The following CCSER1 variants were observed in gnomAD, a reference collection of about 807,000 sequenced individuals.
The protein encoded by CCSER1 is serine-rich coiled-coil domain-containing protein 1.
A neutral mutation model predicts 82.0 loss-of-function variants in CCSER1; 41 were observed. The ratio of observed to expected loss-of-function variants is 0.50; its 90% CI spans 0.39 to 0.65. CCSER1 has a LOEUF of 0.65. Among genes scored for constraint, CCSER1 ranks in the 30% least tolerant of loss-of-function variants. The pLI is 0.00. For missense variants in CCSER1, 1,119 were observed against 1,064.2 expected (o/e 1.05, Z -0.72); for synonymous variants, 414 against 383.9 (o/e 1.08, Z -0.92).
At chr4:91,207,263 T>A (rs1433477737) in intron 10 of CCSER1, among the ~76,000 whole-genome samples, 2 of 151,834 alleles carry the variant, frequency 1.3e-5, no homozygotes, top group Non-Finnish European at 2.9e-5. Context: ...GTTTGTAAAC[T>A]TGTGACTCGT....
intron 10 of CCSER1, among the ~76,000 whole-genome samples, chr4:91,402,767 T>A (rs551312053): frequency 3.3e-5 from 5 of 152,336 alleles, no homozygotes; most frequent in African/African-American, 1.2e-4. Flanking sequence ...TCTGTTTTGA[T>A]ACCAGTGCCA....
chr4:90,910,560 A>C (rs1239196193), intron 8 of CCSER1, among the ~76,000 whole-genome samples: 1 of 152,190 alleles, frequency 6.6e-6, no homozygotes. Flanking sequence ...TTAATTTTGT[A>C]AGCCCTATTA....
chr4:91,337,293 T>C (rs941814894), intron 10 of CCSER1, among the ~76,000 whole-genome samples: 1 of 152,104 alleles, frequency 6.6e-6, no homozygotes, highest in African/African-American at 2.4e-5. Context: ...TTTTCTAATA[T>C]ACCATATACA....
intron 10 of CCSER1, among the ~76,000 whole-genome samples, chr4:91,460,896 A>C (rs1756464616): frequency 6.6e-6 from 1 of 152,190 alleles, no homozygotes; most frequent in South Asian, 2.1e-4. Context: ...TGGAAAGAAA[A>C]GGAAAATTTA....
chr4:91,459,773 C>T (rs12646638), intron 10 of CCSER1, among the ~76,000 whole-genome samples: 17,637 of 152,130 alleles, frequency 0.12, 1,104 homozygotes, highest in African/African-American at 0.14. Flanking sequence ...TCAAGGACTA[C>T]TCTTTCCTCC....
chr4:90,706,414 C>G (rs1253170524), intron 6 of CCSER1, among the ~76,000 whole-genome samples: 1 of 151,886 alleles, frequency 6.6e-6, no homozygotes, highest in Non-Finnish European at 1.5e-5. Context: ...CTGCTGCACT[C>G]CAGCCTAGGT....
chr4:91,321,052 T>C (rs571188080), intron 10 of CCSER1, among the ~76,000 whole-genome samples: 1 of 152,216 alleles, frequency 6.6e-6, no homozygotes, highest in South Asian at 2.1e-4. Flanking sequence ...TTACTTTCAG[T>C]TGTAACTTCT....
At chr4:91,261,999 C>T (rs989677369) in intron 10 of CCSER1, among the ~76,000 whole-genome samples, 18 of 151,852 alleles carry the variant, frequency 1.2e-4, no homozygotes, top group Admixed American at 3.9e-4. Flanking sequence ...AAATTTTTAA[C>T]CTCTTTCATA....
chr4:90,237,242 T>C (rs1202594342), intron 1 of CCSER1, among the ~76,000 whole-genome samples: 2 of 152,190 alleles, frequency 1.3e-5, no homozygotes, highest in African/African-American at 4.8e-5. Flanking sequence ...AGAGTAAGAA[T>C]TTCGAAATTT....
intron 1 of CCSER1, among the ~76,000 whole-genome samples, chr4:90,260,500 A>G (rs1220136806): frequency 6.6e-6 from 1 of 151,790 alleles, no homozygotes; most frequent in Non-Finnish European, 1.5e-5. Context: ...TTTTATGATG[A>G]TATAATATTG....
At chr4:90,145,020 A>G (rs1384909074) in intron 1 of CCSER1, among the ~76,000 whole-genome samples, 2 of 152,122 alleles carry the variant, frequency 1.3e-5, no homozygotes, top group African/African-American at 2.4e-5. Context: ...CTGGCTACCT[A>G]TAGTTTAATT....
In CCSER1 at chr4:91,604,018, G is replaced by C. The variant is rs968953399; in HGVS notation, c.*4961G>C. ...GCTTCAACATATGAATTTGGGGGGGGATATAAAAATTTAGTTTATAGCACT... is the reference window on the plus strand; with the variant it reads ...GCTTCAACATATGAATTTGGGGGGGCATATAAAAATTTAGTTTATAGCACT... On this transcript the variant is annotated 3_prime_UTR_variant, in exon 11 of 11. Coordinates refer to ENST00000509176, the MANE Select transcript of CCSER1 (RefSeq NM_001145065.2). The C allele has an allele frequency of 6.6e-6, 1 of 151,926 alleles. No individual in the cohort carries two copies. 9.4% of individuals were successfully genotyped at this position (151,926 alleles called of 1,614,324 possible). A position where few individuals can be genotyped will look rare whatever the true frequency, so the allele number is the denominator to read the frequency against.
intron 8 of CCSER1, among the ~76,000 whole-genome samples, chr4:90,831,359 A>G (rs1391719009): frequency 1.3e-5 from 2 of 152,140 alleles, no homozygotes; most frequent in Non-Finnish European, 2.9e-5. Flanking sequence ...TGCATAGCCT[A>G]TCTTGTTATA....
At chr4:90,809,356 C>A (rs1200997788) in intron 7 of CCSER1, among the ~76,000 whole-genome samples, 1 of 151,814 alleles carries the variant, frequency 6.6e-6, no homozygotes, top group African/African-American at 2.4e-5. Flanking sequence ...ACACACAGCA[C>A]ACACTGTGGA....
chr4:90,271,858 ATATATTTT>A (rs1726523735), intron 1 of CCSER1, among the ~76,000 whole-genome samples: 2 of 24,394 alleles, frequency 8.2e-5, no homozygotes, highest in Admixed American at 4.9e-4. Flanking sequence ...ATATATATAT[ATATATTTT>A]TTTTTTTTTT....
chr4:90,412,965 C>T (rs893606701), intron 4 of CCSER1, among the ~76,000 whole-genome samples: 4 of 149,138 alleles, frequency 2.7e-5, no homozygotes, highest in African/African-American at 9.8e-5. Flanking sequence ...GGAAGTCAAG[C>T]TGTCAGAAAT....
intron 3 of CCSER1, among the ~76,000 whole-genome samples, chr4:90,327,606 C>T (rs60925511): frequency 0.019 from 2,936 of 152,278 alleles, 68 homozygotes; most frequent in African/African-American, 0.06. Context: ...ATGAATTCCT[C>T]GATTTCATGT....
At chr4:90,185,443 G>A (rs999380585) in intron 1 of CCSER1, among the ~76,000 whole-genome samples, 1 of 152,016 alleles carries the variant, frequency 6.6e-6, no homozygotes, top group African/African-American at 2.4e-5. Context: ...TTTCAATATT[G>A]ATCTTTGAAA....
chr4:90,866,293 A>ATGTTAT (rs1218325688), intron 8 of CCSER1, among the ~76,000 whole-genome samples: 2 of 152,020 alleles, frequency 1.3e-5, no homozygotes, highest in Admixed American at 1.3e-4. Context: ...GAAATATTTG[A>ATGTTAT]GCATGTTATA....
Sources: gnomAD v4.1 joint callset for allele counts (sites outside exome capture counted in the v4.1 genomes callset) on GRCh38, gnomAD v4.1.1 for gene constraint, MANE v1.5 for transcripts, NCBI Gene and HGNC (gene_info 2026-07-23, HGNC 2026-07-21) for gene names.